The following STPG2 variants were observed in gnomAD, a reference collection of about 807,000 sequenced individuals.
STPG2 encodes the protein sperm tail PG-rich repeat containing 2.
STPG2 carries 56 observed loss-of-function variants against 54.2 expected under a neutral mutation model. The observed-to-expected ratio is 1.03, with a 90% CI of 0.83 to 1.29. The LOEUF (loss-of-function observed/expected upper bound fraction) is 1.29, where lower values mean the gene tolerates loss of function less well. STPG2 is among the 50% of genes most tolerant of loss of function. The probability of loss-of-function intolerance (pLI) is 0.00; values close to 1 mark genes in which losing one functional copy is unlikely to be tolerated. For missense variants in STPG2, 596 were observed against 544.9 expected (o/e 1.09, Z -0.93); for synonymous variants, 200 against 181.8 (o/e 1.10, Z -0.81).
chr4:97,685,379 T>C (rs1723157495), intron 10 of STPG2, among the ~76,000 whole-genome samples: 1 of 152,090 alleles, frequency 6.6e-6, no homozygotes, highest in Non-Finnish European at 1.5e-5. Context: ...TACTCAGTGA[T>C]AAAATAAATG....
chr4:97,556,077 G>A (rs145171968), downstream of STPG2, among the ~76,000 whole-genome samples: 631 of 152,194 alleles, frequency 4.1e-3, 3 homozygotes, highest in South Asian at 0.02. Flanking sequence ...AATGAATGGA[G>A]TCATTATTAG....
intron 10 of STPG2, among the ~76,000 whole-genome samples, chr4:97,630,980 A>G (rs1721257222): frequency 6.6e-6 from 1 of 151,984 alleles, no homozygotes; most frequent in African/African-American, 2.4e-5. Context: ...CTGTGATCAG[A>G]TAAGAAGCAA....
At chr4:97,653,231 A>G (rs1189049054) in intron 10 of STPG2, among the ~76,000 whole-genome samples, 1 of 152,028 alleles carries the variant, frequency 6.6e-6, no homozygotes, top group Non-Finnish European at 1.5e-5. Flanking sequence ...GGTATTAGGG[A>G]ACCACGTAGC....
At chr4:97,967,110 A>G (rs1734130173) in intron 7 of STPG2, among the ~76,000 whole-genome samples, 2 of 150,738 alleles carry the variant, frequency 1.3e-5, no homozygotes, top group South Asian at 4.2e-4. Context: ...TATTCAGGAG[A>G]TCCATCTCAC....
chr4:97,531,169 C>T (rs1157326558), intron 4 of STPG2, among the ~76,000 whole-genome samples: 2 of 152,058 alleles, frequency 1.3e-5, no homozygotes, highest in Admixed American at 6.6e-5. Flanking sequence ...CATCTCATCC[C>T]AGTTAAAATG....
intron 4 of STPG2, among the ~76,000 whole-genome samples, chr4:97,503,391 T>G (rs2148834959): frequency 6.6e-6 from 1 of 152,184 alleles, no homozygotes; most frequent in South Asian, 2.1e-4. Flanking sequence ...TAAAAAGTAC[T>G]CATTTGAAAA....
At chr4:98,088,700 C>G (rs909826487) in intron 5 of STPG2, among the ~76,000 whole-genome samples, 35 of 148,388 alleles carry the variant, frequency 2.4e-4, no homozygotes, top group African/African-American at 8.5e-4. Flanking sequence ...AAACTCTAGC[C>G]ATTCAAGAGC....
At chr4:97,985,999 C>T (rs2149266148) in intron 5 of STPG2, among the ~76,000 whole-genome samples, 1 of 152,180 alleles carries the variant, frequency 6.6e-6, no homozygotes, top group East Asian at 1.9e-4. Flanking sequence ...ATCCTGTCTT[C>T]CCCACATCCA....
chr4:97,558,467 A>G (rs1025449581), downstream of STPG2, among the ~76,000 whole-genome samples: 1 of 152,182 alleles, frequency 6.6e-6, no homozygotes, highest in Non-Finnish European at 1.5e-5. Context: ...GCCTGACTTC[A>G]CTTATTCAAA....
chr4:97,746,294 A>G (rs1375259124), intron 9 of STPG2, among the ~76,000 whole-genome samples: 1 of 151,246 alleles, frequency 6.6e-6, no homozygotes, highest in South Asian at 2.1e-4. Flanking sequence ...ACAGCTATAT[A>G]TAACTTTGCT....
At chr4:98,022,374 T>G (rs1037537191) in intron 5 of STPG2, among the ~76,000 whole-genome samples, 1 of 152,204 alleles carries the variant, frequency 6.6e-6, no homozygotes, top group African/African-American at 2.4e-5. Context: ...GTAGAGTTTC[T>G]GCCAAGAGAT....
chr4:98,128,344 G>A (rs1242761759), intron 3 of STPG2, 84 bp downstream of exon 3: 2 of 1,240,264 alleles, frequency 1.6e-6, no homozygotes, highest in Admixed American at 6.6e-5. Context: ...TTTTTTCTTG[G>A]AGAAATAAGC....
chr4:97,457,165 G>T (rs994495072), intron 4 of STPG2, among the ~76,000 whole-genome samples: 1 of 152,106 alleles, frequency 6.6e-6, no homozygotes, highest in Non-Finnish European at 1.5e-5. Context: ...AATACAAAAT[G>T]ACACAGCCAC....
chr4:97,751,872 C>T (rs1439114652), intron 9 of STPG2, among the ~76,000 whole-genome samples: 7 of 151,646 alleles, frequency 4.6e-5, no homozygotes, highest in Admixed American at 4.6e-4. Context: ...CTGCCGATAG[C>T]CCTCAGATGT....
At chr4:97,711,195 G>A (rs1250159329) in intron 10 of STPG2, among the ~76,000 whole-genome samples, 2 of 152,044 alleles carry the variant, frequency 1.3e-5, no homozygotes, top group East Asian at 1.9e-4. Context: ...TTAAAGGAGA[G>A]AAATTGCTCA....
intron 10 of STPG2, among the ~76,000 whole-genome samples, chr4:97,669,228 A>C (rs530346997): frequency 1.0e-3 from 153 of 152,200 alleles, no homozygotes; most frequent in African/African-American, 3.5e-3. Flanking sequence ...AAATATATAT[A>C]CTCATGTATA....
intron 8 of STPG2, among the ~76,000 whole-genome samples, chr4:97,931,701 TTGTG>T (rs973300636): frequency 6.6e-6 from 1 of 151,588 alleles, no homozygotes. Context: ...TTTTATCTTT[TTGTG>T]TGTGTGTGTG....
intron 5 of STPG2, among the ~76,000 whole-genome samples, chr4:98,005,636 C>T (rs1332597016): frequency 1.3e-5 from 2 of 152,072 alleles, no homozygotes; most frequent in Non-Finnish European, 2.9e-5. Context: ...GATACTGTGG[C>T]TTTTTTCCTT....
chr4:97,942,788 G>C (rs2149231061), intron 8 of STPG2, among the ~76,000 whole-genome samples: 1 of 152,176 alleles, frequency 6.6e-6, no homozygotes, highest in East Asian at 1.9e-4. Flanking sequence ...TTTTATTTCA[G>C]CAAGTTATAC....
Sources: gnomAD v4.1 joint callset for allele counts (sites outside exome capture counted in the v4.1 genomes callset) on GRCh38, gnomAD v4.1.1 for gene constraint, MANE v1.5 for transcripts, NCBI Gene and HGNC (gene_info 2026-07-23, HGNC 2026-07-21) for gene names.